The following BRMS1L variants were observed in gnomAD, a reference collection of about 807,000 sequenced individuals.
BRMS1L encodes the protein breast cancer metastasis-suppressor 1-like protein.
A neutral mutation model predicts 50.3 loss-of-function variants in BRMS1L; 23 were observed. The observed-to-expected ratio is 0.46, with a 90% CI of 0.33 to 0.65. The LOEUF (loss-of-function observed/expected upper bound fraction) is 0.65, where lower values mean the gene tolerates loss of function less well. Among genes scored for constraint, BRMS1L ranks in the 30% least tolerant of loss-of-function variants. The pLI, the probability that BRMS1L is intolerant of heterozygous loss-of-function variation, is 0.02. For missense variants in BRMS1L, 286 were observed against 386.1 expected, an observed-to-expected ratio of 0.74 and a Z score of 2.17; for synonymous variants, 114 against 126.9, an observed-to-expected ratio of 0.90 and a Z score of 0.69.
chr14:35,864,877 T>C (rs947653557), intron 6 of BRMS1L, 58 bp from the exon 7 acceptor site: 2 of 1,202,760 alleles, frequency 1.7e-6, no homozygotes, highest in African/African-American at 3.1e-5. Flanking sequence ...TGTAGTACTT[T>C]GGAAATATAA....
intron 4 of BRMS1L, among the ~76,000 whole-genome samples, chr14:35,858,098 G>A (rs1037577808): frequency 4.0e-5 from 6 of 151,570 alleles, no homozygotes; most frequent in African/African-American, 1.5e-4. Flanking sequence ...GGTCAAAACT[G>A]CTTCTCGTTT....
chr14:35,830,013 C>A (rs1481051558), intron 1 of BRMS1L: 2 of 196,506 alleles, frequency 1.0e-5, no homozygotes, highest in African/African-American at 2.4e-5. Context: ...GTAGGAATGG[C>A]AGACCAGGAG....
At chr14:35,867,723 T>G (rs2142065826) in intron 8 of BRMS1L, 183 bp from the exon 9 acceptor site, 1 of 411,316 alleles carries the variant, frequency 2.4e-6, no homozygotes, top group East Asian at 4.5e-5. Flanking sequence ...ATTAAAAACT[T>G]AGTGATTATG....
At chr14:35,835,986 T>G (rs1567301036) in intron 4 of BRMS1L, among the ~76,000 whole-genome samples, 1 of 152,226 alleles carries the variant, frequency 6.6e-6, no homozygotes, top group African/African-American at 2.4e-5. Context: ...TTCTGTCACT[T>G]TAATGTGCCG....
intron 3 of BRMS1L, among the ~76,000 whole-genome samples, chr14:35,834,249 T>C (rs1442147969): frequency 1.3e-5 from 2 of 152,196 alleles, no homozygotes; most frequent in African/African-American, 4.8e-5. Context: ...TGCATGGCCA[T>C]GTTACCTATT....
intron 1 of BRMS1L, among the ~76,000 whole-genome samples, chr14:35,828,836 G>A (rs1001488802): frequency 4.6e-5 from 7 of 152,192 alleles, no homozygotes; most frequent in Non-Finnish European, 8.8e-5. Flanking sequence ...GAACCTGCCC[G>A]ATATGGGAAG....
chr14:35,830,524 A>C (rs1265488710), intron 1 of BRMS1L, among the ~76,000 whole-genome samples: 2 of 151,388 alleles, frequency 1.3e-5, no homozygotes, highest in African/African-American at 4.9e-5. Context: ...TGTCTGGCTA[A>C]TTTTTGTATT....
chr14:35,870,416 G>A lies in BRMS1L; in HGVS notation c.911G>A (p.Ser304Asn). ...GTTTGGTTTAAGAGGCCTGATGGAA[G>A]CAAATCTAAGCTTTACATTTCACAG... Reference protein sequence around the residue: ...DEVWFKRPDGSKSKLYISQLQ... With the variant: ...DEVWFKRPDGNKSKLYISQLQ... Residue 304 changes from serine (S) to asparagine (N), a missense_variant, in exon 10 of 10, where the codon AGC becomes AAC. Physicochemically the swap from Ser to Asn is conservative, Grantham distance 46. Transcript: ENST00000216807. 1 of 1,598,428 alleles carries A rather than the reference G, an allele frequency of 6.3e-7. No individual in the cohort carries two copies. Among genetic ancestry groups the A allele is most frequent in the African/African-American group, 1.3e-5 (1 of 74,114 alleles).
At chr14:35,835,264 A>G (rs1178916296) in intron 4 of BRMS1L, among the ~76,000 whole-genome samples, 1 of 152,214 alleles carries the variant, frequency 6.6e-6, no homozygotes, top group African/African-American at 2.4e-5. Flanking sequence ...TCAATGGTGC[A>G]GTTAGGATGT....
intron 4 of BRMS1L, among the ~76,000 whole-genome samples, chr14:35,845,393 C>T (rs1465799820): frequency 6.6e-6 from 1 of 152,182 alleles, no homozygotes; most frequent in African/African-American, 2.4e-5. Context: ...AAGGAAATTT[C>T]CTCTTCTTTT....
chr14:35,863,975 G>GTT, intron 6 of BRMS1L, 22 bp downstream of exon 6: 1 of 1,573,592 alleles, frequency 6.4e-7, no homozygotes, highest in South Asian at 1.1e-5. Context: ...CAAATTTTCT[G>GTT]TTTTTTTTTC....
chr14:35,826,395 A>G lies in BRMS1L; in HGVS notation c.-122A>G. The G allele has an allele frequency of 1.4e-6, 2 of 1,420,454 alleles. No individual in the cohort carries two copies. The highest frequency in any genetic ancestry group is 2.2e-5 in the Admixed American group (1 of 46,014). 88.0% of individuals were successfully genotyped at this position (1,420,454 alleles called of 1,614,324 possible). On this transcript the variant is annotated 5_prime_UTR_variant, in exon 1 of 10. Coordinates refer to ENST00000216807, the MANE Select transcript of BRMS1L (RefSeq NM_032352.4). ...TGTGAGGCCCGGGCCGGGGGCGGGGAGGAGCCAAGGGGGCGAGCAAGCTCG... is the reference window on the plus strand; with the variant it reads ...TGTGAGGCCCGGGCCGGGGGCGGGGGGGAGCCAAGGGGGCGAGCAAGCTCG...
At chr14:35,835,044 T>C (rs934225545) in intron 4 of BRMS1L, 121 bp downstream of exon 4, 60 of 529,670 alleles carry the variant, frequency 1.1e-4, no homozygotes, top group African/African-American at 1.1e-3. Flanking sequence ...TCATCATTTG[T>C]GTGTGATTAA....
intron 1 of BRMS1L, 148 bp downstream of exon 1, chr14:35,826,806 C>G: frequency 8.3e-7 from 1 of 1,207,112 alleles, no homozygotes; most frequent in South Asian, 1.6e-5. Context: ...TGGGCTGCAC[C>G]CTGACCGGTC....
At chr14:35,833,331 A>C (rs1478505496) in intron 3 of BRMS1L, among the ~76,000 whole-genome samples, 1 of 151,328 alleles carries the variant, frequency 6.6e-6, no homozygotes, top group African/African-American at 2.4e-5. Flanking sequence ...CAAGTTGTTT[A>C]CAGTGTTGTT....
chr14:35,869,424 A>G (rs142158564), intron 9 of BRMS1L, among the ~76,000 whole-genome samples: 60 of 152,020 alleles, frequency 3.9e-4, no homozygotes, highest in African/African-American at 1.4e-3. Flanking sequence ...CTTAGTCCCA[A>G]CTACTCAGGT....
intron 4 of BRMS1L, among the ~76,000 whole-genome samples, chr14:35,857,837 TGTTA>T (rs897486029): frequency 1.2e-4 from 19 of 152,098 alleles, no homozygotes; most frequent in African/African-American, 4.6e-4. Flanking sequence ...ATTTATTGTT[TGTTA>T]GTTTTCTCTG....
At chr14:35,862,742 G>A (rs2142061952) in intron 5 of BRMS1L, 56 bp downstream of exon 5, 1 of 1,208,354 alleles carries the variant, frequency 8.3e-7, no homozygotes, top group Non-Finnish European at 1.2e-6. Context: ...TTGGTTTACT[G>A]TAGTGTCATA....
intron 4 of BRMS1L, among the ~76,000 whole-genome samples, chr14:35,835,646 C>T (rs987332976): frequency 6.6e-6 from 1 of 152,090 alleles, no homozygotes. Context: ...AAGTCAAGAC[C>T]AGTCTGGGCA....
Sources: allele counts gnomAD v4.1 joint callset (sites outside exome capture counted in the v4.1 genomes callset), GRCh38; gene constraint gnomAD v4.1.1; transcripts MANE v1.5; gene names NCBI Gene and HGNC (gene_info 2026-07-23, HGNC 2026-07-21).